The following CACNB4 variants were observed in gnomAD, a reference collection of about 807,000 sequenced individuals.
The protein encoded by CACNB4 is voltage-dependent L-type calcium channel subunit beta-4.
CACNB4 carries 32 observed loss-of-function variants against 71.2 expected under a neutral mutation model. The ratio of observed to expected loss-of-function variants is 0.45; its 90% CI spans 0.34 to 0.60. The LOEUF is 0.60. CACNB4 is among the 20% of genes least tolerant of loss of function. CACNB4 has a pLI of 0.01. For missense variants in CACNB4, 464 were observed against 647.9 expected (o/e 0.72, Z 3.08); for synonymous variants, 231 against 236.9 (o/e 0.97, Z 0.23).
intron 2 of CACNB4, among the ~76,000 whole-genome samples, chr2:151,997,235 C>T (rs1008081518): frequency 2.6e-5 from 4 of 152,122 alleles, no homozygotes; most frequent in African/African-American, 9.7e-5. Context: ...GGCAAGTGTC[C>T]TTATAAGAGA....
intron 2 of CACNB4, among the ~76,000 whole-genome samples, chr2:151,941,835 G>A (rs761002304): frequency 5.9e-5 from 9 of 152,142 alleles, no homozygotes; most frequent in Admixed American, 1.3e-4. Context: ...TAATGGAAAG[G>A]AGTGAGTGCT....
intron 2 of CACNB4, among the ~76,000 whole-genome samples, chr2:152,074,386 A>G (rs1056446822): frequency 2.0e-5 from 3 of 151,642 alleles, no homozygotes; most frequent in Non-Finnish European, 4.4e-5. Context: ...CCTCTCCGCC[A>G]TCACCAACAT....
At chr2:151,930,058 G>GA (rs1202932383) in intron 2 of CACNB4, among the ~76,000 whole-genome samples, 2 of 151,984 alleles carry the variant, frequency 1.3e-5, no homozygotes, top group African/African-American at 4.8e-5. Flanking sequence ...AAACTGTCAG[G>GA]AAAAAATAAG....
At chr2:151,964,343 A>G (rs1029124978) in intron 2 of CACNB4, among the ~76,000 whole-genome samples, 1 of 152,198 alleles carries the variant, frequency 6.6e-6, no homozygotes, top group Non-Finnish European at 1.5e-5. Context: ...TTTGCTTGTA[A>G]GTACATTTTT....
intron 9 of CACNB4, chr2:151,868,116 C>T (rs1219719320): frequency 2.0e-5 from 3 of 152,150 alleles, no homozygotes; most frequent in Admixed American, 2.0e-4. Flanking sequence ...CAAATGCATA[C>T]AATTTATATT....
chr2:151,897,397 C>G (rs1005679430), intron 2 of CACNB4, among the ~76,000 whole-genome samples: 4 of 152,204 alleles, frequency 2.6e-5, no homozygotes, highest in African/African-American at 9.7e-5. Flanking sequence ...AAAGCAGTGA[C>G]TACCAAACCT....
At chr2:151,937,583 C>T (rs1287586139) in intron 2 of CACNB4, among the ~76,000 whole-genome samples, 1 of 152,156 alleles carries the variant, frequency 6.6e-6, no homozygotes, top group East Asian at 1.9e-4. Flanking sequence ...AAAAAGCTGG[C>T]AAGGTTTCTA....
intron 2 of CACNB4, among the ~76,000 whole-genome samples, chr2:151,997,868 A>G (rs1228040878): frequency 6.6e-6 from 1 of 152,192 alleles, no homozygotes; most frequent in African/African-American, 2.4e-5. Flanking sequence ...TCCTAAATTA[A>G]TCCCTTTTTA....
intron 2 of CACNB4, among the ~76,000 whole-genome samples, chr2:152,091,228 C>T (rs970491767): frequency 6.6e-5 from 10 of 152,126 alleles, no homozygotes; most frequent in African/African-American, 2.4e-4. Flanking sequence ...CGACAGAGTT[C>T]TTTCTTGCTC....
chr2:151,908,894 A>G (rs977025596), intron 2 of CACNB4, among the ~76,000 whole-genome samples: 1 of 152,130 alleles, frequency 6.6e-6, no homozygotes. Context: ...GCATATTTAA[A>G]TGGAAGTAAG....
Position 151,977,361 on chromosome 2 carries a change from C to T in CACNB4, c.148-93991G>A, listed in dbSNP as rs376247237. Among the ~76,000 whole-genome samples, 18 of 152,294 alleles carry T rather than the reference C, an allele frequency of 1.2e-4. No individual in the cohort carries two copies. The East Asian group carries it at 1.5e-3, about 13-fold the overall frequency. On this transcript the variant is annotated intron_variant, in intron 2 of 13. Coordinates refer to ENST00000539935, the MANE Select transcript of CACNB4 (RefSeq NM_000726.5). ...GGTATCCTTGCAATTTGACAAATGC[C>T]TCCACTGAGCTAAATTAAGTGGAGG...
At chr2:152,068,360 T>C (rs764267402) in intron 2 of CACNB4, among the ~76,000 whole-genome samples, 16 of 152,200 alleles carry the variant, frequency 1.1e-4, no homozygotes, top group Non-Finnish European at 2.4e-4. Flanking sequence ...CTGCTGCCAG[T>C]TAATCTCTTT....
chr2:151,863,511 G>C (rs2099842289), intron 9 of CACNB4, among the ~76,000 whole-genome samples: 1 of 152,154 alleles, frequency 6.6e-6, no homozygotes, highest in Admixed American at 6.5e-5. Context: ...CAACTTTCTA[G>C]ACCAATGATT....
chr2:151,981,433 G>A (rs1343768187), intron 2 of CACNB4, among the ~76,000 whole-genome samples: 3 of 152,154 alleles, frequency 2.0e-5, no homozygotes, highest in Admixed American at 1.3e-4. Context: ...CAGAGCCGCT[G>A]CAGATTTAGA....
At chr2:151,845,513 C>G (rs774340694) in intron 12 of CACNB4, among the ~76,000 whole-genome samples, 6 of 152,132 alleles carry the variant, frequency 3.9e-5, no homozygotes, top group Non-Finnish European at 7.4e-5. Context: ...ACAAGAAATG[C>G]AAAAAGAAGC....
chr2:152,095,696 G>A (rs1029530361), intron 2 of CACNB4, among the ~76,000 whole-genome samples: 45 of 152,018 alleles, frequency 3.0e-4, no homozygotes, highest in African/African-American at 1.1e-3. Flanking sequence ...TCTGTCGCCC[G>A]GCTGGAATGC....
chr2:152,082,006 A>G (rs550229022), intron 2 of CACNB4, among the ~76,000 whole-genome samples: 1 of 152,322 alleles, frequency 6.6e-6, no homozygotes, highest in Admixed American at 6.5e-5. Flanking sequence ...ATTCTTTATT[A>G]TAGATTTAAA....
At chr2:152,039,023 A>C (rs978335545) in intron 2 of CACNB4, among the ~76,000 whole-genome samples, 1 of 152,210 alleles carries the variant, frequency 6.6e-6, no homozygotes, top group Non-Finnish European at 1.5e-5. Flanking sequence ...TATAGGGATA[A>C]TTAAACAGCA....
At chr2:151,853,661 G>C in intron 11 of CACNB4, 118 bp from the exon 12 acceptor site, 1 of 614,718 alleles carries the variant, frequency 1.6e-6, no homozygotes, top group Non-Finnish European at 2.8e-6. Flanking sequence ...GAAATGCAGT[G>C]TGAGAAATCA....
Sources: allele counts gnomAD v4.1 joint callset (sites outside exome capture counted in the v4.1 genomes callset), GRCh38; gene constraint gnomAD v4.1.1; transcripts MANE v1.5; gene names NCBI Gene and HGNC (gene_info 2026-07-23, HGNC 2026-07-21).